The following POLR3B variants were observed in gnomAD, a reference collection of about 807,000 sequenced individuals.
POLR3B encodes the protein RNA polymerase III subunit B.
A neutral mutation model predicts 147.4 loss-of-function variants in POLR3B; 96 were observed. The ratio of observed to expected loss-of-function variants is 0.65; its 90% CI spans 0.55 to 0.77. POLR3B has a LOEUF of 0.77. Ranked by LOEUF, POLR3B falls within the 30% of genes least tolerant of loss-of-function variation. POLR3B has a pLI of 0.00. For missense variants in POLR3B, 1,036 were observed against 1,413.5 expected (o/e 0.73, Z 4.28); for synonymous variants, 461 against 485.9 (o/e 0.95, Z 0.67).
At chr12:106,434,286 A>G (rs943434826) in intron 16 of POLR3B, among the ~76,000 whole-genome samples, 1 of 152,176 alleles carries the variant, frequency 6.6e-6, no homozygotes, top group Non-Finnish European at 1.5e-5. Flanking sequence ...ACTGAAAGCT[A>G]AAGAGTGGTG....
Position 106,410,852 on chromosome 12 carries a change from A to G in POLR3B, c.993A>G (p.Lys331=). The change falls in exon 12 of 28, where the codon AAA becomes AAG. Residue 331 remains lysine, a synonymous_variant. Coordinates refer to ENST00000228347, the MANE Select transcript of POLR3B (RefSeq NM_018082.6). Reference sequence around the variant, plus strand: ...TTAAGGAATTCAATTTCCGAGCCAAATGTATCTATACTGCAGTGATGGTGC... The same window carrying G: ...TTAAGGAATTCAATTTCCGAGCCAAGTGTATCTATACTGCAGTGATGGTGC... ...VPVKEFNFRA[K]CIYTAVMVRR... 6.2e-7 allele frequency: 1 copy of G among 1,613,988 alleles called. No homozygotes were observed. Among genetic ancestry groups the G allele is most frequent in the Non-Finnish European group, 8.5e-7 (1 of 1,179,894 alleles).
intron 12 of POLR3B, among the ~76,000 whole-genome samples, chr12:106,411,491 C>T (rs1186540240): frequency 1.3e-5 from 2 of 152,130 alleles, no homozygotes; most frequent in Non-Finnish European, 2.9e-5. Flanking sequence ...GGGATGTTTA[C>T]CCTCATTCTG....
At chr12:106,469,115 C>A (rs1399770058) in intron 23 of POLR3B, among the ~76,000 whole-genome samples, 1 of 152,144 alleles carries the variant, frequency 6.6e-6, no homozygotes, top group African/African-American at 2.4e-5. Context: ...CTTTATGAAT[C>A]TGGGTGCTCC....
At chr12:106,413,462 T>A (rs2037256448) in intron 12 of POLR3B, among the ~76,000 whole-genome samples, 1 of 152,114 alleles carries the variant, frequency 6.6e-6, no homozygotes, top group Non-Finnish European at 1.5e-5. Context: ...AAAAATGGGG[T>A]TCATGCCATG....
intron 26 of POLR3B, among the ~76,000 whole-genome samples, chr12:106,503,866 T>C (rs2038643003): frequency 6.6e-6 from 1 of 152,244 alleles, no homozygotes; most frequent in African/African-American, 2.4e-5. Flanking sequence ...ACCATCAATA[T>C]TACATCTTTT....
intron 10 of POLR3B, among the ~76,000 whole-genome samples, chr12:106,400,242 A>G (rs909541918): frequency 1.3e-5 from 2 of 152,238 alleles, no homozygotes; most frequent in Non-Finnish European, 2.9e-5. Flanking sequence ...AAAGAAGGCC[A>G]TTACATAATG....
intron 2 of POLR3B, 143 bp from the exon 3 acceptor site, chr12:106,366,373 G>A: frequency 2.9e-6 from 2 of 682,830 alleles, no homozygotes; most frequent in Non-Finnish European, 5.3e-6. Context: ...AAAATTCATG[G>A]ATTATTTTTC....
chr12:106,503,195 A>G, intron 26 of POLR3B, among the ~76,000 whole-genome samples: 1 of 152,242 alleles, frequency 6.6e-6, no homozygotes, highest in Non-Finnish European at 1.5e-5. Context: ...ATTCATGTGT[A>G]TATTTCCTTT....
chr12:106,410,609 T>C, intron 11 of POLR3B: 1 of 565,872 alleles, frequency 1.8e-6, no homozygotes, highest in Non-Finnish European at 3.2e-6. Context: ...GTAGTCATCT[T>C]TGACACAGAG....
At chr12:106,472,013 T>G (rs1281161899) in intron 23 of POLR3B, among the ~76,000 whole-genome samples, 1 of 88,584 alleles carries the variant, frequency 1.1e-5, no homozygotes, top group Non-Finnish European at 2.2e-5. Flanking sequence ...CCCTCCCCCC[T>G]CCCCCTACCC....
chr12:106,445,798 C>T (rs763111198), intron 19 of POLR3B, among the ~76,000 whole-genome samples: 118 of 152,256 alleles, frequency 7.8e-4, no homozygotes, highest in African/African-American at 2.8e-3. Flanking sequence ...ATTTGGGTAA[C>T]AACCAGAATG....
intron 27 of POLR3B, chr12:106,507,653 G>A (rs2038710556): frequency 5.1e-6 from 2 of 388,752 alleles, no homozygotes; most frequent in Non-Finnish European, 1.0e-5. Context: ...ACTGTTAACG[G>A]ATCAAATACA....
intron 1 of POLR3B, among the ~76,000 whole-genome samples, chr12:106,362,402 A>G (rs1249987075): frequency 6.6e-6 from 1 of 152,134 alleles, no homozygotes; most frequent in African/African-American, 2.4e-5. Flanking sequence ...AACAACAGAA[A>G]TTTGTTTTCT....
intron 14 of POLR3B, among the ~76,000 whole-genome samples, chr12:106,431,244 G>A (rs1362521582): frequency 1.3e-5 from 2 of 152,104 alleles, no homozygotes; most frequent in Non-Finnish European, 2.9e-5. Context: ...ATAGAGCTGC[G>A]ATTTTTAGAA....
intron 12 of POLR3B, among the ~76,000 whole-genome samples, chr12:106,424,207 T>C (rs2037407656): frequency 6.6e-6 from 1 of 152,182 alleles, no homozygotes; most frequent in Non-Finnish European, 1.5e-5. Flanking sequence ...AAATTTCTTA[T>C]AAACCAGGAG....
chr12:106,410,996 C>G (rs1169858692), intron 12 of POLR3B, 36 bp downstream of exon 12: 1 of 1,595,686 alleles, frequency 6.3e-7, no homozygotes, highest in Non-Finnish European at 8.6e-7. Flanking sequence ...TCTTGTTTTC[C>G]TTAATGAAAA....
chr12:106,359,056 A>T (rs1592995789), intron 1 of POLR3B, among the ~76,000 whole-genome samples: 1 of 152,180 alleles, frequency 6.6e-6, no homozygotes, highest in Non-Finnish European at 1.5e-5. Flanking sequence ...TGTTTCTACA[A>T]ATAATACAAA....
At chr12:106,481,179 G>C (rs1474196859) in intron 23 of POLR3B, among the ~76,000 whole-genome samples, 1 of 152,192 alleles carries the variant, frequency 6.6e-6, no homozygotes, top group Admixed American at 6.5e-5. Context: ...TTTATTCTGA[G>C]GGAGAGGGAA....
chr12:106,430,254 G>A lies in POLR3B; in HGVS notation c.1264-19G>A. ...AGGATTGGGTTAGGAATAGTCTTAT[G>A]TCTTTCATCTCCCTACAGGGAAATT... is the stretch of plus-strand genomic sequence containing the variant. On this transcript the variant is annotated intron_variant, in intron 13 of 27. Transcript: ENST00000228347. 1 of 1,598,784 alleles carries A rather than the reference G, an allele frequency of 6.3e-7. No individual in the cohort carries two copies. The highest frequency in any genetic ancestry group is 1.3e-5 in the African/African-American group (1 of 74,754).
Sources: allele counts gnomAD v4.1 joint callset (sites outside exome capture counted in the v4.1 genomes callset), GRCh38; gene constraint gnomAD v4.1.1; transcripts MANE v1.5; gene names NCBI Gene and HGNC (gene_info 2026-07-23, HGNC 2026-07-21).